ARHGEF17: variants seen among roughly 807,000 people sequenced by gnomAD.
The protein encoded by ARHGEF17 is 164 kDa Rho-specific guanine-nucleotide exchange factor.
In ARHGEF17, 80 loss-of-function variants were observed where a neutral mutation model predicts 174.0. That is an observed-to-expected ratio of 0.46 (90% CI 0.38 to 0.55). The LOEUF (loss-of-function observed/expected upper bound fraction) is 0.55, where lower values mean the gene tolerates loss of function less well. Ranked by LOEUF, ARHGEF17 falls within the 20% of genes least tolerant of loss-of-function variation. The probability of loss-of-function intolerance (pLI) is 0.00; values close to 1 mark genes in which losing one functional copy is unlikely to be tolerated. For synonymous variants in ARHGEF17, 1,311 were observed against 1,189.1 expected (o/e 1.10, Z -2.11); for missense variants, 2,886 against 2,839.7 (o/e 1.02, Z -0.37).
At chr11:73,344,226 G>A (rs1246182037) in intron 1 of ARHGEF17, among the ~76,000 whole-genome samples, 2 of 152,216 alleles carry the variant, frequency 1.3e-5, no homozygotes, top group Non-Finnish European at 2.9e-5. Flanking sequence ...CAGCTGCGCT[G>A]TCTGCCTCCT....
intron 1 of ARHGEF17, among the ~76,000 whole-genome samples, chr11:73,318,162 G>A (rs1591721498): frequency 6.6e-6 from 1 of 152,264 alleles, no homozygotes; most frequent in Middle Eastern, 3.4e-3. Context: ...TGAGAAGGCA[G>A]GTTCAGAGTG....
Position 73,360,413 on chromosome 11 carries a change from A to G in ARHGEF17, c.4300A>G (p.Thr1434Ala), listed in dbSNP as rs369247751. 1.2e-5 allele frequency: 19 copies of G among 1,613,866 alleles called. No individual in the cohort carries two copies. Among genetic ancestry groups the G allele is most frequent in the East Asian group, 2.2e-5 (1 of 44,884 alleles). Residue 1434 changes from threonine to alanine, a missense_variant, in exon 11 of 21, where the codon ACC becomes GCC. Physicochemically the swap from Thr to Ala is moderately conservative, Grantham distance 58. This residue lies in a region of ARHGEF17 where 476 missense variants were observed against 473.1 expected (regional missense o/e 1.01). Transcript: ENST00000263674. ...ALCYALSFPP[T>A]KLELCATRPE... ...GTGCTACGCGCTTTCCTTCCCGCCA[A>G]CCAAGCTGGAGCTGTGCGCCACTCG... is the stretch of plus-strand genomic sequence containing the variant.
chr11:73,311,696 C>A lies in ARHGEF17; in HGVS notation c.3058C>A (p.Pro1020Thr), dbSNP rs1202997302. 5 of 1,613,262 alleles carry A rather than the reference C, an allele frequency of 3.1e-6. No individual in the cohort carries two copies. The South Asian group carries it at 4.4e-5, about 14-fold the overall frequency. ...GCTGAACCTGCACTCCGGTGAGGTC[C>A]CTGCCCCAGTGCCAGTGGACATGCC... The part of the protein sequence containing the change: ...YMLNLHSGEV[P>T]APVPVDMPCL... The change falls in exon 1 of 21, where the codon CCT becomes ACT. Residue 1020 changes from proline to threonine, a missense_variant. Pro to Thr is a conservative substitution (Grantham distance 38, BLOSUM62 -1). Transcript: ENST00000263674.
At chr11:73,318,146 G>A (rs1444972969) in intron 1 of ARHGEF17, among the ~76,000 whole-genome samples, 43 of 152,184 alleles carry the variant, frequency 2.8e-4, no homozygotes, top group Non-Finnish European at 1.0e-4. Context: ...CATCCCACTA[G>A]GCTGCTGAGA....
Position 73,362,072 on chromosome 11 carries a change from C to T in ARHGEF17, c.4527C>T (p.Cys1509=). ...FSCAAPTLNS[C]PEPSPEVWVC... ...GTGCGGCTCCCACCCTGAACAGCTG[C>T]CCGGAGCCCTCGCCTGAGGTATGGG... Residue 1509 remains cysteine, a synonymous_variant, in exon 13 of 21, where the codon TGC becomes TGT. Coordinates refer to ENST00000263674, the MANE Select transcript of ARHGEF17 (RefSeq NM_014786.4). 1 of 1,612,858 alleles carries T rather than the reference C, an allele frequency of 6.2e-7. No homozygotes were observed. Among genetic ancestry groups the T allele is most frequent in the Non-Finnish European group, 8.5e-7 (1 of 1,179,912 alleles).
intron 1 of ARHGEF17, among the ~76,000 whole-genome samples, chr11:73,332,323 G>A (rs567674234): frequency 1.4e-5 from 2 of 146,918 alleles, no homozygotes; most frequent in Non-Finnish European, 3.0e-5. Context: ...TTAATGTTCT[G>A]GTATATTTCC....
chr11:73,341,448 A>G (rs1865366941), intron 1 of ARHGEF17, among the ~76,000 whole-genome samples: 1 of 151,706 alleles, frequency 6.6e-6, no homozygotes, highest in South Asian at 2.1e-4. Flanking sequence ...CTGGGATTAC[A>G]GGCATGCGCC....
At position 73,329,353 on chromosome 11, in the gene ARHGEF17, ATATATATATATATATATATAT is replaced by A. The variant is rs1379736490; in HGVS notation, c.3192+17525_3193-17508del. Among the ~76,000 whole-genome samples the A allele has an allele frequency of 5.2e-4, 16 of 30,514 alleles. 1 individual carries two copies. Among genetic ancestry groups the A allele is most frequent in the South Asian group, 2.3e-3 (2 of 888 alleles). The allele number at this position is 30,514 out of a possible 152,430, so 20.0% of individuals were successfully genotyped here. On this transcript the variant is annotated intron_variant, in intron 1 of 20. Coordinates refer to ENST00000263674, the MANE Select transcript of ARHGEF17 (RefSeq NM_014786.4). ...TATATATATATATATATATATATAT[ATATATATATATATATATATAT>A]TTTTTTTTTTTTTTTGTATTTTGGG...
At chr11:73,361,922 A>G in intron 12 of ARHGEF17, 118 bp from the exon 13 acceptor site, 1 of 540,008 alleles carries the variant, frequency 1.9e-6, no homozygotes, top group South Asian at 2.5e-5. Flanking sequence ...TAGGGCATCC[A>G]CACACACACA....
chr11:73,310,068 T>G lies in ARHGEF17; in HGVS notation c.1430T>G (p.Phe477Cys), dbSNP rs770067473. 4.3e-6 allele frequency: 7 copies of G among 1,614,130 alleles called. No individual in the cohort carries two copies. The highest frequency in any genetic ancestry group is 3.3e-5 in the South Asian group (3 of 91,080). ...IASETLTLLSFLRSDLSELRV... is the reference protein window; with the variant it reads ...IASETLTLLSCLRSDLSELRV... Reference sequence around the variant, plus strand: ...TCAGAGACCCTGACGCTTCTCAGTTTCCTGCGCTCAGACCTTTCAGAGCTG... The same window carrying G: ...TCAGAGACCCTGACGCTTCTCAGTTGCCTGCGCTCAGACCTTTCAGAGCTG... Residue 477 changes from phenylalanine to cysteine, a missense_variant, in exon 1 of 21, where the codon TTC (phenylalanine) becomes TGC (cysteine). Physicochemically the swap from Phe to Cys is radical, Grantham distance 205 (BLOSUM62 -2). Transcript: ENST00000263674.
intron 1 of ARHGEF17, among the ~76,000 whole-genome samples, chr11:73,332,303 C>T (rs1865217505): frequency 6.6e-6 from 1 of 151,188 alleles, no homozygotes; most frequent in Non-Finnish European, 1.5e-5. Flanking sequence ...TCCAGGGCCC[C>T]TGCCCACTGT....
At chr11:73,332,545 C>G (rs2134401056) in intron 1 of ARHGEF17, among the ~76,000 whole-genome samples, 1 of 152,198 alleles carries the variant, frequency 6.6e-6, no homozygotes, top group Admixed American at 6.5e-5. Flanking sequence ...GTGGTTGGAC[C>G]TTGAGGTTGT....
At chr11:73,364,405 A>G (rs771298253) in intron 17 of ARHGEF17, 47 bp from the exon 18 acceptor site, 12 of 1,611,986 alleles carry the variant, frequency 7.4e-6, no homozygotes, top group Non-Finnish European at 1.0e-5. Flanking sequence ...ACCGAGGCTC[A>G]AATTTAGAAC....
In ARHGEF17 at chr11:73,308,842, C is replaced by A. The variant is rs931609029; in HGVS notation, c.204C>A (p.Ala68=). The change falls in exon 1 of 21, where the codon GCC becomes GCA. Residue 68 remains alanine (A), a synonymous_variant. Transcript: ENST00000263674. ...AGCTGGCGTCTGGGCCCCTGGCCGCCCCCGCGCAGCCGCGCCCGCTCCGCA... is the reference window on the plus strand; with the variant it reads ...AGCTGGCGTCTGGGCCCCTGGCCGCACCCGCGCAGCCGCGCCCGCTCCGCA... The part of the protein sequence containing the change: ...VSKLASGPLA[A]PAQPRPLRSL... The A allele has an allele frequency of 1.4e-5, 19 of 1,339,614 alleles. No individual in the cohort carries two copies. The African/African-American group carries it at 2.9e-4, about 21-fold the overall frequency. 83.0% of individuals were successfully genotyped at this position (1,339,614 alleles called of 1,614,324 possible).
rs1278771898 is a variant in ARHGEF17 at position 73,311,762 on chromosome 11, C to T, written c.3124C>T (p.Pro1042Ser). 1.2e-6 allele frequency: 2 copies of T among 1,612,616 alleles called. No homozygotes were observed. The highest frequency in any genetic ancestry group is 1.7e-5 in the Admixed American group (1 of 60,016). Residue 1042 changes from proline to serine, a missense_variant, in exon 1 of 21, where the codon CCC (proline) becomes TCC (serine). Coordinates refer to ENST00000263674, the MANE Select transcript of ARHGEF17 (RefSeq NM_014786.4). ...TGCACCGCCCTCTGCTGAGGCCAAG[C>T]CCCCTGAGGCAGCTCGGCCTGCAGA... is the stretch of plus-strand genomic sequence containing the variant. ...LAAPPSAEAKPPEAARPADEP... is the reference protein window; with the variant it reads ...LAAPPSAEAKSPEAARPADEP...
chr11:73,332,328 A>C (rs1422578320), intron 1 of ARHGEF17, among the ~76,000 whole-genome samples: 2 of 145,218 alleles, frequency 1.4e-5, no homozygotes, highest in African/African-American at 2.6e-5. Flanking sequence ...GTTCTGGTAT[A>C]TTTCCCTCCA....
At position 73,369,280 on chromosome 11, in the gene ARHGEF17, A is replaced by G. The variant is rs372928305; in HGVS notation, c.*1500A>G. The stretch of plus-strand genomic sequence containing the variant: ...GCTGGGCTGCAGTTTCCTCATCAGG[A>G]AAATAAAGGGGTTGTACCAGTTCAG... On this transcript the variant is annotated 3_prime_UTR_variant, in exon 21 of 21. Coordinates refer to ENST00000263674, the MANE Select transcript of ARHGEF17 (RefSeq NM_014786.4). The G allele has an allele frequency of 6.6e-6, 1 of 152,256 alleles. No homozygotes were observed. The highest frequency in any genetic ancestry group is 6.5e-5 in the Admixed American group (1 of 15,296). 9.4% of individuals were successfully genotyped at this position (152,256 alleles called of 1,614,324 possible). A position where few individuals can be genotyped will look rare whatever the true frequency, so the allele number is the denominator to read the frequency against.
At chr11:73,342,634 C>T (rs1565199362) in intron 1 of ARHGEF17, among the ~76,000 whole-genome samples, 1 of 152,104 alleles carries the variant, frequency 6.6e-6, no homozygotes, top group African/African-American at 2.4e-5. Context: ...TGTGTTCGTG[C>T]CCCTGTGTGT....
intron 1 of ARHGEF17, among the ~76,000 whole-genome samples, chr11:73,312,814 G>A (rs1323498689): frequency 6.6e-6 from 1 of 151,840 alleles, no homozygotes; most frequent in Non-Finnish European, 1.5e-5. Flanking sequence ...GATGCACCCC[G>A]TTTCTGCCAG....
Sources: allele counts gnomAD v4.1 joint callset (sites outside exome capture counted in the v4.1 genomes callset), GRCh38; gene constraint gnomAD v4.1.1; regional missense constraint gnomAD v4.1.1; transcripts MANE v1.5; gene names NCBI Gene and HGNC (gene_info 2026-07-23, HGNC 2026-07-21).